ANK2: variants seen among roughly 807,000 people sequenced by gnomAD.
ANK2 encodes ankyrin 2, also known as ankyrin-2.
In ANK2, 83 loss-of-function variants were observed where a neutral mutation model predicts 360.5. The ratio of observed to expected loss-of-function variants is 0.23; its 90% CI spans 0.19 to 0.28. The LOEUF (loss-of-function observed/expected upper bound fraction) is 0.28. Ranked by LOEUF, ANK2 falls within the 10% of genes least tolerant of loss-of-function variation. The pLI, the probability that ANK2 is intolerant of heterozygous loss-of-function variation, is 1.00. For synonymous variants in ANK2, 1,740 were observed against 1,759.5 expected (o/e 0.99, Z 0.28); for missense variants, 4,201 against 4,795.7 (o/e 0.88, Z 3.66).
At chr4:112,914,237 A>G (rs536177223) in intron 2 of ANK2, among the ~76,000 whole-genome samples, 1 of 152,340 alleles carries the variant, frequency 6.6e-6, no homozygotes, top group South Asian at 2.1e-4. Context: ...AAAGATAATA[A>G]TGAAAAACCC....
At chr4:113,192,924 TA>T (rs373250773) in intron 2 of ANK2, among the ~76,000 whole-genome samples, 256 of 136,748 alleles carry the variant, frequency 1.9e-3, no homozygotes, top group South Asian at 2.7e-3. Flanking sequence ...TTGCATTATT[TA>T]AAAAAAAAAA....
At chr4:112,939,304 C>G (rs538175340) in intron 2 of ANK2, among the ~76,000 whole-genome samples, 4 of 151,948 alleles carry the variant, frequency 2.6e-5, no homozygotes, top group Admixed American at 6.6e-5. Context: ...TTCTTTCTTT[C>G]TTTATTTTTA....
Position 113,013,450 on chromosome 4 carries a change from C to T in ANK2, c.21+108936C>T, listed in dbSNP as rs181928331. Among the ~76,000 whole-genome samples, 201 of 152,178 alleles carry T rather than the reference C, an allele frequency of 1.3e-3. 1 individual carries two copies. The highest frequency in any genetic ancestry group is 4.6e-3 in the African/African-American group (191 of 41,532). On this transcript the variant is annotated intron_variant, in intron 2 of 30. Transcript: ENST00000503271. ...GTTTATATATTATTGGTATTTATGT[C>T]TTTCTCAAAATGATAATAGCTCTAT... is the stretch of plus-strand genomic sequence containing the variant.
intron 1 of ANK2, among the ~76,000 whole-genome samples, chr4:113,154,281 T>G (rs2154397935): frequency 6.6e-6 from 1 of 152,320 alleles, no homozygotes. Context: ...CTATATAGAG[T>G]CCTTTTATTC....
chr4:113,013,242 A>G (rs983386144), intron 2 of ANK2, among the ~76,000 whole-genome samples: 1 of 152,136 alleles, frequency 6.6e-6, no homozygotes, highest in Non-Finnish European at 1.5e-5. Flanking sequence ...GTAATTTAGC[A>G]GCCTGTTTTT....
intron 1 of ANK2, among the ~76,000 whole-genome samples, chr4:112,869,019 G>A (rs2071771712): frequency 6.6e-6 from 1 of 151,896 alleles, no homozygotes; most frequent in Non-Finnish European, 1.5e-5. Flanking sequence ...GGAGTGCAGT[G>A]GCAAGATCAT....
At chr4:112,773,599 A>T in the ANK2 span, among the ~76,000 whole-genome samples, 3 of 152,164 alleles carry the variant, frequency 2.0e-5, no homozygotes, top group Non-Finnish European at 4.4e-5. Flanking sequence ...CCCATTAATT[A>T]TCATGATTAG....
chr4:113,190,460 T>A (rs1056834446), intron 2 of ANK2, among the ~76,000 whole-genome samples: 4 of 151,506 alleles, frequency 2.6e-5, no homozygotes, highest in Non-Finnish European at 5.9e-5. Context: ...ACCATAACAT[T>A]CTACAATTCA....
chr4:112,989,209 T>G (rs1462541906), intron 2 of ANK2, among the ~76,000 whole-genome samples: 2 of 152,162 alleles, frequency 1.3e-5, no homozygotes, highest in Non-Finnish European at 2.9e-5. Context: ...AGTTAAAAAT[T>G]CTTAATATAG....
chr4:112,829,902 T>C (rs1189617786), intron 1 of ANK2, among the ~76,000 whole-genome samples: 1 of 151,780 alleles, frequency 6.6e-6, no homozygotes, highest in Non-Finnish European at 1.5e-5. Context: ...GAGCTTGCAG[T>C]GAGTGGAGAT....
intron 1 of ANK2, among the ~76,000 whole-genome samples, chr4:113,123,099 A>G (rs1002681034): frequency 6.6e-6 from 1 of 151,828 alleles, no homozygotes; most frequent in African/African-American, 2.4e-5. Context: ...AAAAGCTACT[A>G]TGAGGGATTG....
At chr4:112,961,933 G>C (rs1315405447) in intron 2 of ANK2, among the ~76,000 whole-genome samples, 1 of 152,058 alleles carries the variant, frequency 6.6e-6, no homozygotes, top group Non-Finnish European at 1.5e-5. Flanking sequence ...TAATTTGTTT[G>C]GGATGGGGCC....
chr4:113,027,952 G>A (rs1351213620), intron 2 of ANK2, among the ~76,000 whole-genome samples: 1 of 151,838 alleles, frequency 6.6e-6, no homozygotes, highest in African/African-American at 2.4e-5. Flanking sequence ...AAAATAAGAT[G>A]GTGTAAAATG....
intron 2 of ANK2, among the ~76,000 whole-genome samples, chr4:112,921,002 T>G (rs1475923511): frequency 6.6e-6 from 1 of 152,164 alleles, no homozygotes; most frequent in Non-Finnish European, 1.5e-5. Flanking sequence ...AGAGTGTTTT[T>G]AATGGTGATT....
intron 4 of ANK2, among the ~76,000 whole-genome samples, chr4:113,218,466 ATGAC>A (rs1455068985): frequency 6.6e-6 from 1 of 151,502 alleles, no homozygotes; most frequent in East Asian, 1.9e-4. Context: ...AAAAAAAAAA[ATGAC>A]TGACATTGAT....
intron 42 of ANK2, among the ~76,000 whole-genome samples, chr4:113,368,269 A>T (rs2096607800): frequency 6.6e-6 from 1 of 152,204 alleles, no homozygotes; most frequent in African/African-American, 2.4e-5. Flanking sequence ...TAGCACTTCA[A>T]ATATGCTCTG....
At chr4:112,945,652 C>T (rs1051488904) in intron 2 of ANK2, among the ~76,000 whole-genome samples, 6 of 152,150 alleles carry the variant, frequency 3.9e-5, no homozygotes, top group African/African-American at 1.4e-4. Context: ...TAATTCAACA[C>T]GAGTACATTG....
chr4:113,072,286 T>C (rs1045958029), intron 1 of ANK2, among the ~76,000 whole-genome samples: 1 of 152,216 alleles, frequency 6.6e-6, no homozygotes, highest in Non-Finnish European at 1.5e-5. Context: ...TTGGTTTTTG[T>C]AACAATTTTT....
intron 10 of ANK2, among the ~76,000 whole-genome samples, chr4:113,255,308 C>T (rs1011732665): frequency 6.6e-6 from 1 of 152,170 alleles, no homozygotes; most frequent in Non-Finnish European, 1.5e-5. Flanking sequence ...CCTGACCTGC[C>T]CACTTGCTTC....
Sources: allele counts gnomAD v4.1 joint callset (sites outside exome capture counted in the v4.1 genomes callset), GRCh38; gene constraint gnomAD v4.1.1; transcripts MANE v1.5; gene names NCBI Gene and HGNC (gene_info 2026-07-23, HGNC 2026-07-21).